The following PTOV1 variants were observed in gnomAD, a reference collection of about 807,000 sequenced individuals.
The protein encoded by PTOV1 is PTOV1 extended AT-hook containing adaptor protein.
Under a neutral mutation model 58.0 loss-of-function variants are expected in PTOV1, and 20 were observed. The observed-to-expected ratio is 0.34, with a 90% CI of 0.24 to 0.50. PTOV1 has a LOEUF of 0.50. Among genes scored for constraint, PTOV1 ranks in the 20% least tolerant of loss-of-function variants. The pLI is 0.98. For missense variants in PTOV1, 593 were observed against 565.4 expected (o/e 1.05, Z -0.50); for synonymous variants, 335 against 234.2 (o/e 1.43, Z -3.93).
chr19:49,857,122 C>A, exon 6 of PTOV1: 1 of 1,614,010 alleles, frequency 6.2e-7, no homozygotes, highest in Non-Finnish European at 8.5e-7. Context: ...CATCACCACC[C>A]GCAAGCAGGT....
chr19:49,857,525 G>C, intron 6 of PTOV1, 168 bp from the exon 7 acceptor site: 1 of 679,840 alleles, frequency 1.5e-6, no homozygotes, highest in East Asian at 2.7e-5. Flanking sequence ...GGAGCCATGG[G>C]GGGCTGTGAG....
At chr19:49,854,885 G>A in exon 4 of PTOV1, 3 of 1,612,424 alleles carry the variant, frequency 1.9e-6, no homozygotes, top group Non-Finnish European at 2.5e-6. Flanking sequence ...CTCAGCAGCT[G>A]CTGGTGAGAC....
Position 49,857,140 on chromosome 19 carries a change from C to T in PTOV1, c.714+10C>T. 6.2e-7 allele frequency: 1 copy of T among 1,613,914 alleles called. No homozygotes were observed. Among genetic ancestry groups the T allele is most frequent in the Middle Eastern group, 1.7e-4 (1 of 6,046 alleles). ...CACCACCCGCAAGCAGGTGTGCCAGCCAAGCACAGCCCCTCTGGGGACAGA... is the reference window on the plus strand; with the variant it reads ...CACCACCCGCAAGCAGGTGTGCCAGTCAAGCACAGCCCCTCTGGGGACAGA... On this transcript the variant is annotated intron_variant, in intron 6 of 11. Coordinates refer to ENST00000391842, the Ensembl canonical transcript of PTOV1.
At chr19:49,854,849 G>T in exon 4 of PTOV1, 1 of 1,613,282 alleles carries the variant, frequency 6.2e-7, no homozygotes, top group South Asian at 1.1e-5. Flanking sequence ...ACCAGTGGCC[G>T]CAGAAGCTGA....
At chr19:49,858,309 C>A in intron 9 of PTOV1, 195 bp downstream of exon 9, 1 of 795,602 alleles carries the variant, frequency 1.3e-6, no homozygotes, top group Non-Finnish European at 2.0e-6. Flanking sequence ...GGTGGCTGTG[C>A]AGGGACTGAG....
chr19:49,860,223 A>G (rs1600406818), intron 11 of PTOV1, 40 bp downstream of exon 11: 1 of 1,613,048 alleles, frequency 6.2e-7, no homozygotes, highest in Non-Finnish European at 8.5e-7. Context: ...GTCTCCCTCC[A>G]CCCCCGCTGC....
chr19:49,855,449 G>A (rs138111237), intron 5 of PTOV1: 171 of 287,824 alleles, frequency 5.9e-4, no homozygotes, highest in African/African-American at 3.1e-3. Flanking sequence ...AGGAGGGAGT[G>A]GCACGTTGGG....
At chr19:49,852,610 C>CTG (rs1306456536) in intron 1 of PTOV1, 1 of 152,216 alleles carries the variant, frequency 6.6e-6, no homozygotes, top group Non-Finnish European at 1.5e-5. Context: ...GCTGCTCCTG[C>CTG]TGTGGAAGGT....
At chr19:49,857,932 A>G (rs771500913) in exon 8 of PTOV1, 1 of 1,613,932 alleles carries the variant, frequency 6.2e-7, no homozygotes, top group South Asian at 1.1e-5. Flanking sequence ...AGTCGGTCCA[A>G]GAGGTGGCTG....
upstream of PTOV1, chr19:49,851,072 G>A (rs900794905): frequency 9.5e-6 from 14 of 1,466,084 alleles, no homozygotes; most frequent in Admixed American, 2.3e-5. Flanking sequence ...CTCCCGCCCG[G>A]GCCCCGCTCC....
exon 10 of PTOV1, chr19:49,858,557 A>G (rs774227869): frequency 3.1e-6 from 5 of 1,599,918 alleles, no homozygotes; most frequent in South Asian, 1.1e-5. Context: ...AGACCACCCT[A>G]GTGCCGCTGT....
Position 49,855,089 on chromosome 19 carries a change from G to C in PTOV1, c.558+12G>C. 1 of 1,571,058 alleles carries C rather than the reference G, an allele frequency of 6.4e-7. No homozygotes were observed. The highest frequency in any genetic ancestry group is 1.2e-5 in the South Asian group (1 of 86,492). ...TGGGCAACGGCTTCGTGAGTGGGGC[G>C]GGCTCCCTTGTAGCACTGTGGTGAC... On this transcript the variant is annotated intron_variant, in intron 5 of 11. Transcript: ENST00000391842.
At position 49,857,726 on chromosome 19, in the gene PTOV1, G is replaced by C. The variant is rs769682090; in HGVS notation, c.748G>C (p.Val250Leu). Residue 250 changes from valine to leucine, a missense_variant, in exon 7 of 12, where the codon GTC becomes CTC. Coordinates refer to ENST00000391842, the Ensembl canonical transcript of PTOV1. ...ACCTGGTGGTGTCAACTCAGGCCCA[G>C]TCCAGATCGTCAACAACAAGTTTCT... The C allele has an allele frequency of 4.3e-6, 7 of 1,614,164 alleles. No homozygotes were observed. The highest frequency in any genetic ancestry group is 1.1e-5 in the South Asian group (1 of 91,072).
At position 49,860,029 on chromosome 19, in the gene PTOV1, G is replaced by A. The variant is rs764330906; in HGVS notation, c.1085G>A (p.Arg362His). Residue 362 changes from arginine to histidine, a missense_variant, in exon 11 of 12, where the codon CGC (arginine) becomes CAC (histidine). By Grantham distance (29) the Arg-to-His change is conservative. Transcript: ENST00000391842. Reference sequence around the variant, plus strand: ...TCCTACAAAGCATCGTGTGAGATCCGCGTGCTTATGCTCCTGTACTCTTCA... The same window carrying A: ...TCCTACAAAGCATCGTGTGAGATCCACGTGCTTATGCTCCTGTACTCTTCA... 29 of 1,614,100 alleles carry A rather than the reference G, an allele frequency of 1.8e-5. No individual in the cohort carries two copies. The highest frequency in any genetic ancestry group is 1.8e-4 in the East Asian group (8 of 44,896).
In PTOV1 at chr19:49,856,915, T is replaced by G; in HGVS notation, c.559-60T>G. 1.9e-6 allele frequency: 3 copies of G among 1,597,498 alleles called. No individual in the cohort carries two copies. In the South Asian group the frequency reaches 3.3e-5, roughly 18 times the overall value. ...CCCCTACAGGTGGGGCGGTCCAGGG[T>G]GGTGGGGGCACAGTGGCCCCGGGCA... On this transcript the variant is annotated intron_variant, in intron 5 of 11. Transcript: ENST00000391842.
chr19:49,853,839 C>T (rs1359523120), intron 1 of PTOV1, among the ~76,000 whole-genome samples: 1 of 152,140 alleles, frequency 6.6e-6, no homozygotes, highest in Non-Finnish European at 1.5e-5. Context: ...TCATCTCCTT[C>T]CTGCCTCCCC....
chr19:49,851,293 C>G (rs1416190654), exon 1 of PTOV1: 1 of 1,061,928 alleles, frequency 9.4e-7, no homozygotes, highest in African/African-American at 1.7e-5. Context: ...CCTTGTGGCC[C>G]GCGGCAGCTC....
intron 6 of PTOV1, 60 bp downstream of exon 6, chr19:49,857,190 G>C: frequency 6.3e-7 from 1 of 1,590,592 alleles, no homozygotes; most frequent in Non-Finnish European, 8.6e-7. Flanking sequence ...CACTGCCCTG[G>C]TTGGGCAGCC....
upstream of PTOV1, chr19:49,850,733 T>G: frequency 1.1e-6 from 1 of 931,352 alleles, no homozygotes; most frequent in Non-Finnish European, 1.5e-6. Context: ...CTGCAAACCT[T>G]CAGCTGTCTC....
Sources: gnomAD v4.1 joint callset for allele counts (sites outside exome capture counted in the v4.1 genomes callset) on GRCh38, gnomAD v4.1.1 for gene constraint, MANE v1.5 for transcripts, NCBI Gene and HGNC (gene_info 2026-07-23, HGNC 2026-07-21) for gene names.